Variants in GALNTL6 observed in about 807,000 individuals in gnomAD.
GALNTL6 encodes the protein polypeptide N-acetylgalactosaminyltransferase like 6.
GALNTL6 carries 46 observed loss-of-function variants against 73.7 expected under a neutral mutation model. That is an observed-to-expected ratio of 0.62 (90% CI 0.49 to 0.80). The LOEUF (loss-of-function observed/expected upper bound fraction) is 0.80. Ranked by LOEUF, GALNTL6 falls within the 30% of genes least tolerant of loss-of-function variation. The probability of loss-of-function intolerance (pLI) is 0.00; values close to 1 mark genes in which losing one functional copy is unlikely to be tolerated. For missense variants in GALNTL6, 604 were observed against 755.0 expected (o/e 0.80, Z 2.34); for synonymous variants, 259 against 263.7 (o/e 0.98, Z 0.17).
At chr4:172,733,025 C>CT (rs1370410942) in intron 5 of GALNTL6, among the ~76,000 whole-genome samples, 3 of 152,174 alleles carry the variant, frequency 2.0e-5, no homozygotes, top group African/African-American at 4.8e-5. Flanking sequence ...TTTGAATACT[C>CT]TGAGTTTGTT....
chr4:172,013,907 CTATACCTCCATGAGTT>C (rs894780096), intron 2 of GALNTL6, among the ~76,000 whole-genome samples: 1 of 143,610 alleles, frequency 7.0e-6, no homozygotes, highest in Non-Finnish European at 1.5e-5. Context: ...TCCTTCTACT[CTATACCTCCATGAGTT>C]CAGTTGTTTT....
chr4:172,257,430 C>T (rs773019204), intron 3 of GALNTL6, among the ~76,000 whole-genome samples: 6 of 151,330 alleles, frequency 4.0e-5, no homozygotes, highest in East Asian at 1.9e-4. Flanking sequence ...AGACTTTAGT[C>T]GGCCAGGAAT....
intron 12 of GALNTL6, among the ~76,000 whole-genome samples, chr4:173,021,856 A>G (rs1438423832): frequency 1.3e-5 from 2 of 151,756 alleles, no homozygotes; most frequent in Admixed American, 6.6e-5. Context: ...AGTCAGGCGT[A>G]GTGATGGGTG....
intron 4 of GALNTL6, among the ~76,000 whole-genome samples, chr4:172,324,559 A>G (rs1740879582): frequency 6.6e-6 from 1 of 151,396 alleles, no homozygotes; most frequent in Non-Finnish European, 1.5e-5. Context: ...TTTAAACAAA[A>G]TCACCAATAA....
At chr4:173,035,469 C>T (rs910906970) in intron 12 of GALNTL6, among the ~76,000 whole-genome samples, 4 of 152,308 alleles carry the variant, frequency 2.6e-5, no homozygotes, top group African/African-American at 7.2e-5. Flanking sequence ...TGAGCCACCG[C>T]GCCTGGCCTA....
At chr4:172,873,034 T>C (rs1336215152) in intron 7 of GALNTL6, among the ~76,000 whole-genome samples, 2 of 152,240 alleles carry the variant, frequency 1.3e-5, no homozygotes, top group East Asian at 3.9e-4. Context: ...GAAATCTGCA[T>C]GTATTATTCT....
intron 8 of GALNTL6, among the ~76,000 whole-genome samples, chr4:172,899,267 A>G (rs1460220449): frequency 6.6e-6 from 1 of 152,222 alleles, no homozygotes; most frequent in Non-Finnish European, 1.5e-5. Flanking sequence ...AAGTGTCACC[A>G]AAGAGAAACT....
At chr4:172,024,213 G>A (rs1741487596) in intron 2 of GALNTL6, among the ~76,000 whole-genome samples, 1 of 151,682 alleles carries the variant, frequency 6.6e-6, no homozygotes, top group Admixed American at 6.6e-5. Context: ...ACAGCACTGA[G>A]AATATCCTTT....
intron 4 of GALNTL6, among the ~76,000 whole-genome samples, chr4:172,346,259 C>T (rs977808945): frequency 3.3e-5 from 5 of 152,234 alleles, no homozygotes; most frequent in Admixed American, 3.3e-4. Flanking sequence ...TATATGAAAG[C>T]TACGTTCCAA....
At chr4:171,979,653 G>A (rs932520887) in intron 2 of GALNTL6, among the ~76,000 whole-genome samples, 3 of 152,292 alleles carry the variant, frequency 2.0e-5, no homozygotes, top group Middle Eastern at 3.4e-3. Flanking sequence ...AAGGTTCATG[G>A]TGTCTCTGGA....
At chr4:172,653,345 G>T (rs143811951) in intron 5 of GALNTL6, among the ~76,000 whole-genome samples, 1 of 151,110 alleles carries the variant, frequency 6.6e-6, no homozygotes, top group African/African-American at 2.4e-5. Context: ...TCAGCCTCCC[G>T]AGTAGCTGGG....
intron 5 of GALNTL6, among the ~76,000 whole-genome samples, chr4:172,448,414 T>A (rs372429803): frequency 6.6e-6 from 1 of 152,300 alleles, no homozygotes; most frequent in East Asian, 1.9e-4. Context: ...TGAGACTTCT[T>A]TAGATAGCAC....
intron 3 of GALNTL6, among the ~76,000 whole-genome samples, chr4:172,248,905 C>T (rs1390134123): frequency 6.6e-6 from 1 of 152,140 alleles, no homozygotes; most frequent in East Asian, 1.9e-4. Flanking sequence ...GTCAATTAAA[C>T]CTATTTCCTT....
rs1750683881 is a variant in GALNTL6, at chr4:172,973,765, C to T, written c.1371+21507C>T. Among the ~76,000 whole-genome samples, 6 of 152,260 alleles carry T rather than the reference C, an allele frequency of 3.9e-5. No individual in the cohort carries two copies. In the South Asian group the frequency reaches 1.2e-3, roughly 32 times the overall value. Reference sequence around the variant, plus strand: ...AAAATGGTTTTTTCTCTCTTCCTCTCTTTGCCTACCACTTTCACGCTTTCT... The same window carrying T: ...AAAATGGTTTTTTCTCTCTTCCTCTTTTTGCCTACCACTTTCACGCTTTCT... On this transcript the variant is annotated intron_variant, in intron 10 of 12. Coordinates refer to ENST00000506823, the MANE Select transcript of GALNTL6 (RefSeq NM_001034845.3).
intron 2 of GALNTL6, among the ~76,000 whole-genome samples, chr4:171,919,217 G>T (rs1452323323): frequency 6.6e-6 from 1 of 151,990 alleles, no homozygotes; most frequent in Non-Finnish European, 1.5e-5. Flanking sequence ...CATTCTGTTT[G>T]GTTTTATTTC....
intron 5 of GALNTL6, among the ~76,000 whole-genome samples, chr4:172,554,925 A>G (rs935526191): frequency 2.6e-5 from 4 of 152,186 alleles, no homozygotes; most frequent in African/African-American, 9.6e-5. Flanking sequence ...TTTAGGATAT[A>G]GCTATATCAA....
At chr4:172,428,060 G>A (rs931104401) in intron 5 of GALNTL6, among the ~76,000 whole-genome samples, 2 of 151,922 alleles carry the variant, frequency 1.3e-5, no homozygotes, top group Non-Finnish European at 2.9e-5. Context: ...GAGAAAGTTT[G>A]GCAGACAAAT....
At chr4:172,169,222 T>C (rs1025525480) in intron 2 of GALNTL6, among the ~76,000 whole-genome samples, 1 of 152,134 alleles carries the variant, frequency 6.6e-6, no homozygotes, top group Admixed American at 6.5e-5. Context: ...GAGAACAGTC[T>C]CCCAGTCTGA....
intron 5 of GALNTL6, among the ~76,000 whole-genome samples, chr4:172,645,872 C>G (rs1172414197): frequency 6.6e-6 from 1 of 151,774 alleles, no homozygotes; most frequent in Non-Finnish European, 1.5e-5. Context: ...TTATCAAGGC[C>G]TGTTTGTTTA....
Sources: allele counts gnomAD v4.1 joint callset (sites outside exome capture counted in the v4.1 genomes callset), GRCh38; gene constraint gnomAD v4.1.1; transcripts MANE v1.5; gene names NCBI Gene and HGNC (gene_info 2026-07-23, HGNC 2026-07-21).